The following DAB1 variants were observed in gnomAD, a reference collection of about 807,000 sequenced individuals.
DAB1 encodes the protein DAB adaptor protein 1.
DAB1 carries 15 observed loss-of-function variants against 64.6 expected under a neutral mutation model. That is an observed-to-expected ratio of 0.23 (90% CI 0.16 to 0.36). The LOEUF (loss-of-function observed/expected upper bound fraction) is 0.36. DAB1 is among the 10% of genes least tolerant of loss of function. The probability of loss-of-function intolerance (pLI) is 1.00; values close to 1 mark genes in which losing one functional copy is unlikely to be tolerated. For synonymous variants in DAB1, 235 were observed against 251.9 expected, an observed-to-expected ratio of 0.93 and a Z score of 0.64; for missense variants, 596 against 706.7, an observed-to-expected ratio of 0.84 and a Z score of 1.78.
At chr1:58,243,132 G>A (rs1002561747) in intron 4 of DAB1, among the ~76,000 whole-genome samples, 1 of 151,830 alleles carries the variant, frequency 6.6e-6, no homozygotes, top group African/African-American at 2.4e-5. Context: ...CTTCAGCTTG[G>A]TAACATTTTC....
At chr1:57,659,514 T>C (rs1646359619) in intron 6 of DAB1, among the ~76,000 whole-genome samples, 1 of 152,068 alleles carries the variant, frequency 6.6e-6, no homozygotes, top group Non-Finnish European at 1.5e-5. Context: ...TCAGGAAACA[T>C]GAATGGTGTT....
intron 2 of DAB1, among the ~76,000 whole-genome samples, chr1:57,184,160 T>C (rs78756193): frequency 0.021 from 3,208 of 152,326 alleles, 47 homozygotes; most frequent in South Asian, 0.039. Flanking sequence ...CCAGGCACCC[T>C]GTTAACAGGA....
intron 4 of DAB1, among the ~76,000 whole-genome samples, chr1:58,212,446 A>C (rs915023570): frequency 6.6e-6 from 1 of 152,208 alleles, no homozygotes; most frequent in African/African-American, 2.4e-5. Flanking sequence ...CAAGGTTCAC[A>C]TTCTTAATCA....
At chr1:57,096,411 C>T (rs1654171790) in intron 4 of DAB1, among the ~76,000 whole-genome samples, 1 of 152,200 alleles carries the variant, frequency 6.6e-6, no homozygotes, top group Non-Finnish European at 1.5e-5. Flanking sequence ...TAAACTCCCC[C>T]ATTTCAAGCA....
intron 1 of DAB1, among the ~76,000 whole-genome samples, chr1:57,869,313 C>T (rs1654436213): frequency 6.6e-6 from 1 of 152,094 alleles, no homozygotes; most frequent in African/African-American, 2.4e-5. Flanking sequence ...TTATTATTCT[C>T]ACTTTGGAAT....
chr1:57,461,943 CTTTTTTTTT>C (rs545743407), intron 7 of DAB1, among the ~76,000 whole-genome samples: 4,706 of 100,268 alleles, frequency 0.047, 197 homozygotes, highest in East Asian at 0.2. Context: ...AAGATATACT[CTTTTTTTTT>C]TTTTTTTTTT....
At chr1:58,132,426 G>A (rs970513685) in intron 5 of DAB1, among the ~76,000 whole-genome samples, 13 of 152,294 alleles carry the variant, frequency 8.5e-5, no homozygotes, top group African/African-American at 2.2e-4. Context: ...CTTCTGCGTC[G>A]CTCACGCTGG....
intron 6 of DAB1, among the ~76,000 whole-genome samples, chr1:57,695,361 GAAGAAAGAAAGA>G (rs774722340): frequency 0.035 from 2,401 of 68,492 alleles, 112 homozygotes; most frequent in African/African-American, 0.066. Context: ...AGAAAAGAAA[GAAGAAAGAAAGA>G]AAGAAAGAAA....
chr1:58,010,832 G>C (rs941563081), intron 5 of DAB1, among the ~76,000 whole-genome samples: 4 of 152,172 alleles, frequency 2.6e-5, no homozygotes, highest in African/African-American at 9.7e-5. Context: ...CACTCTCTGG[G>C]AAGTAGAAAC....
intron 1 of DAB1, among the ~76,000 whole-genome samples, chr1:57,840,208 G>C (rs562212649): frequency 7.9e-5 from 12 of 152,318 alleles, no homozygotes; most frequent in African/African-American, 2.9e-4. Context: ...AGGGAGCTCA[G>C]TGTCTGGTGG....
chr1:57,825,717 A>C (rs1395576289), downstream of DAB1, among the ~76,000 whole-genome samples: 1 of 152,216 alleles, frequency 6.6e-6, no homozygotes, highest in African/African-American at 2.4e-5. Context: ...ATGATCTCAA[A>C]TAAGATAAAT....
intron 7 of DAB1, among the ~76,000 whole-genome samples, chr1:57,640,512 A>G (rs1299566899): frequency 6.6e-6 from 1 of 152,178 alleles, no homozygotes; most frequent in Non-Finnish European, 1.5e-5. Context: ...ACAGCTAACA[A>G]GTGGCAAAGG....
intron 1 of DAB1, among the ~76,000 whole-genome samples, chr1:57,834,654 C>T (rs1029105573): frequency 6.6e-6 from 1 of 151,092 alleles, no homozygotes; most frequent in Non-Finnish European, 1.5e-5. Context: ...TATAAAACTG[C>T]ACATATACGT....
chr1:58,139,328 C>A (rs746402870), intron 5 of DAB1, among the ~76,000 whole-genome samples: 7 of 152,094 alleles, frequency 4.6e-5, no homozygotes, highest in Non-Finnish European at 8.8e-5. Context: ...AAGAAATACC[C>A]GAGACTGAGC....
At chr1:57,355,322 T>TCCTTCCTTCCTTCCATCCTC in intron 1 of DAB1, among the ~76,000 whole-genome samples, 1 of 151,818 alleles carries the variant, frequency 6.6e-6, no homozygotes, top group Non-Finnish European at 1.5e-5. Context: ...TTATCTATCT[T>TCCTTCCTTCCTTCCATCCTC]CCTTCCTTCC....
intron 6 of DAB1, among the ~76,000 whole-genome samples, chr1:57,714,026 T>C (rs1442132945): frequency 6.6e-6 from 1 of 152,180 alleles, no homozygotes; most frequent in Non-Finnish European, 1.5e-5. Flanking sequence ...TACAAGATGA[T>C]ACAACTACAT....
chr1:58,111,262 A>G (rs986942404), intron 5 of DAB1, among the ~76,000 whole-genome samples: 3 of 152,242 alleles, frequency 2.0e-5, no homozygotes, highest in Non-Finnish European at 2.9e-5. Flanking sequence ...TCTCTGGGCC[A>G]TATCTGGCCA....
rs150079370 is a variant in DAB1 at position 58,090,190 on chromosome 1, G to C, written n.387+60321C>G. 5.9e-4 allele frequency among the ~76,000 whole-genome samples: 90 copies of C among 151,364 alleles called. No homozygotes were observed. In the South Asian group the frequency reaches 0.012, roughly 20 times the overall value. ...ACAACATACAGCCCACTGAGGTTGCGTGGTTGAAATGCCAAGTAGGGTCAG... is the reference window on the plus strand; with the variant it reads ...ACAACATACAGCCCACTGAGGTTGCCTGGTTGAAATGCCAAGTAGGGTCAG... On this transcript the variant is annotated intron_variant and non_coding_transcript_variant, in intron 5 of 20. Transcript: ENST00000485760.
intron 2 of DAB1, among the ~76,000 whole-genome samples, chr1:57,163,920 T>A (rs1660995490): frequency 6.6e-6 from 1 of 152,126 alleles, no homozygotes; most frequent in African/African-American, 2.4e-5. Context: ...TGTCAAATTC[T>A]GGTTGTGTGG....
Sources: gnomAD v4.1 joint callset for allele counts (sites outside exome capture counted in the v4.1 genomes callset) on GRCh38, gnomAD v4.1.1 for gene constraint, MANE v1.5 for transcripts, NCBI Gene and HGNC (gene_info 2026-07-23, HGNC 2026-07-21) for gene names.